CLGN: variants seen among roughly 807,000 people sequenced by gnomAD.
The protein encoded by CLGN is testis tissue sperm-binding protein Li 79P.
Under a neutral mutation model 79.1 loss-of-function variants are expected in CLGN, and 62 were observed. The observed-to-expected ratio is 0.78, with a 90% CI of 0.64 to 0.97. The LOEUF (loss-of-function observed/expected upper bound fraction) is 0.97, where lower values mean the gene tolerates loss of function less well. CLGN is among the 50% of genes least tolerant of loss of function. CLGN has a pLI of 0.00. For missense variants in CLGN, 647 were observed against 715.5 expected, an observed-to-expected ratio of 0.90 and a Z score of 1.09; for synonymous variants, 225 against 224.7, an observed-to-expected ratio of 1.00 and a Z score of -0.01.
chr4:140,423,332 A>G (rs1451241245), intron 1 of CLGN, among the ~76,000 whole-genome samples: 1 of 152,196 alleles, frequency 6.6e-6, no homozygotes, highest in Non-Finnish European at 1.5e-5. Flanking sequence ...TAAATGTGGC[A>G]TGGTACACTG....
intron 1 of CLGN, among the ~76,000 whole-genome samples, chr4:140,424,792 C>G (rs1729531006): frequency 6.6e-6 from 1 of 152,152 alleles, no homozygotes; most frequent in Admixed American, 6.5e-5. Flanking sequence ...CCTTCTGCAC[C>G]AACACGTATC....
rs539063721 is a variant in CLGN, at chr4:140,388,858, G to A, written c.*366C>T. On this transcript the variant is annotated 3_prime_UTR_variant, in exon 15 of 15. Transcript: ENST00000325617. ...TTATAGAACTACCAGTTATATTGTT[G>A]TATAGCCATTTAAGTGGAAATTCCA... is the stretch of plus-strand genomic sequence containing the variant. 1.5e-4 allele frequency: 27 copies of A among 185,458 alleles called. 2 individuals carry two copies. The South Asian group carries it at 3.5e-3, about 24-fold the overall frequency. The allele number at this position is 185,458 out of a possible 1,614,324, so 11.5% of individuals were successfully genotyped here. A position where few individuals can be genotyped will look rare whatever the true frequency, so the allele number is the denominator to read the frequency against.
At chr4:140,392,842 T>G in intron 11 of CLGN, 131 bp from the exon 12 acceptor site, 1 of 785,392 alleles carries the variant, frequency 1.3e-6, no homozygotes, top group Non-Finnish European at 1.8e-6. Flanking sequence ...GTAAAAGAAG[T>G]TTCATTTTCC....
chr4:140,397,240 C>A (rs549672788), intron 8 of CLGN, among the ~76,000 whole-genome samples: 52 of 152,032 alleles, frequency 3.4e-4, no homozygotes, highest in South Asian at 2.3e-3. Context: ...CCTGTCCTTG[C>A]GAAGAGTGTT....
intron 1 of CLGN, among the ~76,000 whole-genome samples, chr4:140,425,429 G>GGGGTGT (rs1553946834): frequency 6.0e-5 from 7 of 116,948 alleles, no homozygotes; most frequent in Non-Finnish European, 1.2e-4. Context: ...GAATCAATAG[G>GGGGTGT]GTGTGTGTGT....
intron 1 of CLGN, among the ~76,000 whole-genome samples, chr4:140,421,796 A>G (rs1560749557): frequency 6.6e-6 from 1 of 151,800 alleles, no homozygotes; most frequent in Non-Finnish European, 1.5e-5. Context: ...TTTAATTTTG[A>G]GTTTTCCAAT....
chr4:140,415,225 G>C (rs1729303784), intron 1 of CLGN, among the ~76,000 whole-genome samples: 1 of 152,096 alleles, frequency 6.6e-6, no homozygotes, highest in Admixed American at 6.6e-5. Context: ...AGGAACAACA[G>C]GTACCAGCTG....
At chr4:140,389,941 G>C in intron 14 of CLGN, among the ~76,000 whole-genome samples, 1 of 151,798 alleles carries the variant, frequency 6.6e-6, no homozygotes. Flanking sequence ...TTAGGATGGT[G>C]ACTCTGTGGG....
chr4:140,392,492 T>C, intron 12 of CLGN, 94 bp downstream of exon 12: 1 of 1,490,610 alleles, frequency 6.7e-7, no homozygotes, highest in Non-Finnish European at 9.0e-7. Context: ...ATGAGACATT[T>C]AGTTTATTAC....
Position 140,391,961 on chromosome 4 carries a change from C to T in CLGN, c.1651+258G>A, listed in dbSNP as rs542427372. Among the ~76,000 whole-genome samples the T allele has an allele frequency of 2.0e-4, 31 of 151,916 alleles. No individual in the cohort carries two copies. The South Asian group carries it at 5.6e-3, about 27-fold the overall frequency. ...AAACATCCTTGCAAAAAGCTATGGC[C>T]TATGGGATTCATTAACTGCTAGGCT... is the stretch of plus-strand genomic sequence containing the variant. On this transcript the variant is annotated intron_variant, in intron 13 of 14. Transcript: ENST00000325617.
Position 140,422,560 on chromosome 4 carries a change from T to C in CLGN, c.-10+4977A>G, listed in dbSNP as rs1181666970. On this transcript the variant is annotated intron_variant, in intron 1 of 14. Coordinates refer to ENST00000325617, the MANE Select transcript of CLGN (RefSeq NM_004362.3). ...CTTAATTTCCTGTTCATTGTTAGTA[T>C]ACAGAAGTGCAACTAATTTTTGTGT... 3.3e-5 allele frequency among the ~76,000 whole-genome samples: 5 copies of C among 152,226 alleles called. No individual in the cohort carries two copies. In the East Asian group the frequency reaches 9.6e-4, roughly 29 times the overall value.
chr4:140,419,750 G>A (rs1317872577), intron 1 of CLGN, among the ~76,000 whole-genome samples: 1 of 152,064 alleles, frequency 6.6e-6, no homozygotes, highest in Non-Finnish European at 1.5e-5. Context: ...AAAATGATGG[G>A]TGCTGTCATT....
At chr4:140,398,484 G>C (rs1055842154) in intron 8 of CLGN, among the ~76,000 whole-genome samples, 1 of 151,864 alleles carries the variant, frequency 6.6e-6, no homozygotes, top group Admixed American at 6.6e-5. Flanking sequence ...GGCCAAGCTG[G>C]TTTCGAACTC....
Position 140,395,927 on chromosome 4 carries a change from A to G in CLGN, c.1041T>C (p.Leu347=). The part of the protein sequence containing the change: ...TDGEWEAPQI[L]NPACRIGCGE... ...CACACCCAATCCGACATGCTGGATTAAGAATCTGAGGTGCCTCCCATTCTC... is the reference window on the plus strand; with the variant it reads ...CACACCCAATCCGACATGCTGGATTGAGAATCTGAGGTGCCTCCCATTCTC... Residue 347 remains leucine, a synonymous_variant, in exon 10 of 15, where the codon CTT becomes CTC. Coordinates refer to ENST00000325617, the MANE Select transcript of CLGN (RefSeq NM_004362.3). The G allele has an allele frequency of 6.2e-7, 1 of 1,603,596 alleles. No homozygotes were observed. Among genetic ancestry groups the G allele is most frequent in the Non-Finnish European group, 8.5e-7 (1 of 1,176,484 alleles).
chr4:140,402,002 T>C lies in CLGN; in HGVS notation c.484A>G (p.Thr162Ala), dbSNP rs1456944445. 3 of 1,560,302 alleles carry C rather than the reference T, an allele frequency of 1.9e-6. No individual in the cohort carries two copies. Among genetic ancestry groups the C allele is most frequent in the Admixed American group, 1.8e-5 (1 of 54,254 alleles). ...GGAYIKLLAD[T>A]DDLILENFYD... ...TATCATACCAGAATCAAATCATCAG[T>C]GTCTGCTAGGAGTTTAATGTATGCA... The change falls in exon 6 of 15, where the codon ACT (threonine) becomes GCT (alanine). Residue 162 changes from threonine to alanine, a missense_variant. Coordinates refer to ENST00000325617, the MANE Select transcript of CLGN (RefSeq NM_004362.3).
intron 5 of CLGN, among the ~76,000 whole-genome samples, chr4:140,404,042 C>T (rs1729045599): frequency 6.6e-6 from 1 of 151,968 alleles, no homozygotes; most frequent in African/African-American, 2.4e-5. Context: ...ACTTCTCAGT[C>T]TTTAATGAGC....
chr4:140,425,225 T>C (rs1429041245), intron 1 of CLGN, among the ~76,000 whole-genome samples: 3 of 152,204 alleles, frequency 2.0e-5, no homozygotes, highest in Non-Finnish European at 4.4e-5. Context: ...TATGCCATTG[T>C]CAGCCCTTGC....
At chr4:140,402,497 T>A (rs1729018852) in intron 5 of CLGN, among the ~76,000 whole-genome samples, 1 of 152,134 alleles carries the variant, frequency 6.6e-6, no homozygotes. Context: ...GCTAATGATC[T>A]TAGATACCTA....
chr4:140,409,277 T>G (rs1729168106), intron 4 of CLGN, among the ~76,000 whole-genome samples: 1 of 152,016 alleles, frequency 6.6e-6, no homozygotes, highest in African/African-American at 2.4e-5. Flanking sequence ...TATTTGGTCA[T>G]ACTCTAGGGT....
Sources: allele counts gnomAD v4.1 joint callset (sites outside exome capture counted in the v4.1 genomes callset), GRCh38; gene constraint gnomAD v4.1.1; transcripts MANE v1.5; gene names NCBI Gene and HGNC (gene_info 2026-07-23, HGNC 2026-07-21).